AGAP1: variants seen among roughly 807,000 people sequenced by gnomAD.
AGAP1 encodes ArfGAP with GTPase domain, ankyrin repeat and PH domain 1, also known as arf-GAP with GTPase, ANK repeat and PH domain-containing protein 1.
AGAP1 carries 29 observed loss-of-function variants against 105.3 expected under a neutral mutation model. The observed-to-expected ratio is 0.28, with a 90% CI of 0.21 to 0.38. The LOEUF is 0.38. Among genes scored for constraint, AGAP1 ranks in the 10% least tolerant of loss-of-function variants. The pLI, the probability that AGAP1 is intolerant of heterozygous loss-of-function variation, is 1.00. For synonymous variants in AGAP1, 509 were observed against 485.9 expected, an observed-to-expected ratio of 1.05 and a Z score of -0.63; for missense variants, 998 against 1,165.1, an observed-to-expected ratio of 0.86 and a Z score of 2.09.
chr2:235,958,997 A>T lies in AGAP1; in HGVS notation c.1484-9465A>T, dbSNP rs545652306. On this transcript the variant is annotated intron_variant, in intron 12 of 17. Transcript: ENST00000304032. The surrounding 1 kb of genome is among the most constrained non-coding windows in gnomAD (Gnocchi z 4.1). ...CCCGATTGGGAAGAACTAATGGCTG[A>T]CATTGAATGTGCGGGATGGTGCCGG... Among the ~76,000 whole-genome samples, 6 of 152,298 alleles carry T rather than the reference A, an allele frequency of 3.9e-5. No homozygotes were observed. Among genetic ancestry groups the T allele is most frequent in the Non-Finnish European group, 1.5e-5 (1 of 68,026 alleles).
chr2:236,076,261 C>T lies in AGAP1; in HGVS notation c.2114+26980C>T, dbSNP rs189396391. ...GGTCAGGAGTTCGAGACCAGCCTGG[C>T]CAACATGGTGAACCCCCATCTACTA... is the stretch of plus-strand genomic sequence containing the variant. On this transcript the variant is annotated intron_variant, in intron 16 of 17. Transcript: ENST00000304032. This position sits in a 1 kb window ranked among gnomAD's most constrained non-coding sequence, Gnocchi z 4.4. Among the ~76,000 whole-genome samples the T allele has an allele frequency of 2.8e-3, 419 of 152,176 alleles. 3 individuals are homozygous for T. Among genetic ancestry groups the T allele is most frequent in the African/African-American group, 9.5e-3 (394 of 41,522 alleles).
intron 4 of AGAP1, among the ~76,000 whole-genome samples, chr2:235,742,221 T>C (rs2149668462): frequency 6.6e-6 from 1 of 152,296 alleles, no homozygotes; most frequent in African/African-American, 2.4e-5. Context: ...ACAGGACTTC[T>C]TAGGCCTCAG....
chr2:235,746,490 G>T (rs1952964023), intron 5 of AGAP1, among the ~76,000 whole-genome samples: 1 of 147,302 alleles, frequency 6.8e-6, no homozygotes, highest in Admixed American at 6.9e-5. Flanking sequence ...AGGGAGGAGG[G>T]ATTCTTAGGC....
chr2:236,052,611 A>C (rs1262449251), intron 16 of AGAP1, among the ~76,000 whole-genome samples: 2 of 152,144 alleles, frequency 1.3e-5, no homozygotes, highest in Non-Finnish European at 2.9e-5. Context: ...TTGACTTCCC[A>C]TTCCTAAACA....
At chr2:236,054,537 C>T (rs2058000135) in intron 16 of AGAP1, among the ~76,000 whole-genome samples, 1 of 149,484 alleles carries the variant, frequency 6.7e-6, no homozygotes, top group South Asian at 2.1e-4. Flanking sequence ...AAAAAAAGGA[C>T]TTTGCCGCGA....
At chr2:235,822,498 A>T (rs1050119522) in intron 9 of AGAP1, among the ~76,000 whole-genome samples, 3 of 151,486 alleles carry the variant, frequency 2.0e-5, no homozygotes, top group African/African-American at 7.3e-5. Flanking sequence ...AAGCTCAAGA[A>T]TGAAGAGAAG....
At chr2:235,718,518 T>C in intron 3 of AGAP1, 1 of 622,710 alleles carries the variant, frequency 1.6e-6, no homozygotes, top group Non-Finnish European at 2.0e-6. Flanking sequence ...TTTCATTTTA[T>C]CTTTTTCTTC....
At chr2:235,850,922 C>G (rs13388176) in intron 9 of AGAP1, among the ~76,000 whole-genome samples, 11,252 of 152,226 alleles carry the variant, frequency 0.074, 1,370 homozygotes, top group African/African-American at 0.25. Context: ...GGCTGACTAA[C>G]CTGCCCAAGG....
intron 3 of AGAP1, among the ~76,000 whole-genome samples, chr2:235,727,507 T>G (rs1951707530): frequency 6.6e-6 from 1 of 152,202 alleles, no homozygotes; most frequent in Non-Finnish European, 1.5e-5. Context: ...ACTTTTACAG[T>G]CTCACTTGGG....
chr2:235,618,986 G>A (rs1946391390), intron 1 of AGAP1, among the ~76,000 whole-genome samples: 1 of 152,198 alleles, frequency 6.6e-6, no homozygotes, highest in African/African-American at 2.4e-5. Flanking sequence ...CACAGAAGGA[G>A]ATGTGAATAT....
intron 1 of AGAP1, among the ~76,000 whole-genome samples, chr2:235,675,680 A>T: frequency 6.6e-6 from 1 of 152,166 alleles, no homozygotes; most frequent in East Asian, 1.9e-4. Flanking sequence ...TTTAGGGCTA[A>T]AATGATTCTC....
chr2:236,024,227 G>A (rs1445506612), intron 13 of AGAP1, among the ~76,000 whole-genome samples: 1 of 151,842 alleles, frequency 6.6e-6, no homozygotes, highest in East Asian at 1.9e-4. Context: ...AGTAGAGATG[G>A]GGTTTCACCA....
intron 6 of AGAP1, among the ~76,000 whole-genome samples, chr2:235,768,959 G>A (rs1347994946): frequency 6.6e-6 from 1 of 152,140 alleles, no homozygotes; most frequent in Non-Finnish European, 1.5e-5. Flanking sequence ...CTCAGAAATA[G>A]GATTCCTGAT....
chr2:235,559,893 T>G lies in AGAP1; in HGVS notation c.163+65044T>G, dbSNP rs1944092403. ...TTTATGGATTCTGGATACTAGACACTTATTAGATATATGATTTGCAAATAT... is the reference window on the plus strand; with the variant it reads ...TTTATGGATTCTGGATACTAGACACGTATTAGATATATGATTTGCAAATAT... On this transcript the variant is annotated intron_variant, in intron 1 of 17. Coordinates refer to ENST00000304032, the MANE Select transcript of AGAP1 (RefSeq NM_001037131.3). The surrounding 1 kb of genome is among the most constrained non-coding windows in gnomAD (Gnocchi z 5.7). Among the ~76,000 whole-genome samples, 1 of 152,324 alleles carries G rather than the reference T, an allele frequency of 6.6e-6. No homozygotes were observed. Among genetic ancestry groups the G allele is most frequent in the East Asian group, 1.9e-4 (1 of 5,188 alleles).
chr2:236,050,066 G>A lies in AGAP1; in HGVS notation c.2114+785G>A, dbSNP rs932993548. On this transcript the variant is annotated intron_variant, in intron 16 of 17. Coordinates refer to ENST00000304032, the MANE Select transcript of AGAP1 (RefSeq NM_001037131.3). This position sits in a 1 kb window ranked among gnomAD's most constrained non-coding sequence, Gnocchi z 4.0. ...AGTGGGAGGTTGAGGTTTGCTGTCC[G>A]TGTTTGCCTCTCAGGTGTCTGAAGA... is the stretch of plus-strand genomic sequence containing the variant. Among the ~76,000 whole-genome samples the A allele has an allele frequency of 2.0e-5, 3 of 152,186 alleles. No individual in the cohort carries two copies. The highest frequency in any genetic ancestry group is 6.5e-5 in the Admixed American group (1 of 15,282).
intron 13 of AGAP1, among the ~76,000 whole-genome samples, chr2:236,034,349 C>T (rs1219565276): frequency 6.6e-6 from 1 of 151,226 alleles, no homozygotes; most frequent in Non-Finnish European, 1.5e-5. Flanking sequence ...TGTTTAAGGT[C>T]GTTGTTGAAG....
At chr2:235,918,754 G>A (rs965875565) in intron 11 of AGAP1, among the ~76,000 whole-genome samples, 2 of 151,938 alleles carry the variant, frequency 1.3e-5, no homozygotes, top group Admixed American at 6.6e-5. Context: ...GAGATTAGTT[G>A]CTTTCCTGCA....
At chr2:235,819,078 A>C (rs946626071) in intron 9 of AGAP1, among the ~76,000 whole-genome samples, 1 of 151,368 alleles carries the variant, frequency 6.6e-6, no homozygotes, top group African/African-American at 2.4e-5. Context: ...GTAGGTCAGA[A>C]TCGAGTATCG....
intron 1 of AGAP1, among the ~76,000 whole-genome samples, chr2:235,675,888 C>T (rs1162973203): frequency 6.6e-6 from 1 of 152,148 alleles, no homozygotes; most frequent in African/African-American, 2.4e-5. Context: ...GAATATCCTG[C>T]CACCAGGGGG....
Sources: allele counts gnomAD v4.1 joint callset (sites outside exome capture counted in the v4.1 genomes callset), GRCh38; gene constraint gnomAD v4.1.1; non-coding constraint Gnocchi (gnomAD v3.1); transcripts MANE v1.5; gene names NCBI Gene and HGNC (gene_info 2026-07-23, HGNC 2026-07-21).